The following MS4A10 variants were observed in gnomAD, a reference collection of about 807,000 sequenced individuals.
MS4A10 encodes membrane-spanning 4-domains subfamily A member 10.
A neutral mutation model predicts 27.7 loss-of-function variants in MS4A10; 27 were observed. The observed-to-expected ratio is 0.98, with a 90% CI of 0.72 to 1.35. MS4A10 has a LOEUF of 1.35. Ranked by LOEUF, MS4A10 falls within the 40% of genes most tolerant of loss-of-function variation. The probability of loss-of-function intolerance (pLI) is 0.00; values close to 1 mark genes in which losing one functional copy is unlikely to be tolerated. For synonymous variants in MS4A10, 139 were observed against 131.2 expected, an observed-to-expected ratio of 1.06 and a Z score of -0.41; for missense variants, 338 against 324.7, an observed-to-expected ratio of 1.04 and a Z score of -0.32.
chr11:60,785,561 G>A (rs767490215), intron 1 of MS4A10, 140 bp downstream of exon 1: 1 of 152,208 alleles, frequency 6.6e-6, no homozygotes, highest in African/African-American at 2.4e-5. Context: ...CCAATCAGTT[G>A]TTGGCTGTAG....
chr11:60,790,333 T>C lies in MS4A10; in HGVS notation c.-3T>C, dbSNP rs767116159. The C allele has an allele frequency of 1.2e-6, 2 of 1,613,738 alleles. No homozygotes were observed. Among genetic ancestry groups the C allele is most frequent in the African/African-American group, 1.3e-5 (1 of 75,016 alleles). On this transcript the variant is annotated 5_prime_UTR_variant, in exon 2 of 8. Coordinates refer to ENST00000308287, the MANE Select transcript of MS4A10 (RefSeq NM_206893.4). Reference sequence around the variant, plus strand: ...CTGCAGCCAGGGCCCCCATCCAGCATCAATGAAAGCAGAAGCCACAGTTAT... The same window carrying C: ...CTGCAGCCAGGGCCCCCATCCAGCACCAATGAAAGCAGAAGCCACAGTTAT...
Position 60,795,585 on chromosome 11 carries a change from C to T in MS4A10, c.523C>T (p.Leu175Phe). The T allele has an allele frequency of 1.3e-6, 2 of 1,583,350 alleles. No homozygotes were observed. Among genetic ancestry groups the T allele is most frequent in the Non-Finnish European group, 1.7e-6 (2 of 1,164,650 alleles). ...CATCCAGAGGCTGGAGCTGGCCTTG[C>T]TCTGCTTCACTGTCCTAGAGCTCTT... ...VHIQRLELAL[L>F]CFTVLELFLP... Residue 175 changes from leucine (L) to phenylalanine (F), a missense_variant, in exon 6 of 8, where the codon CTC (leucine) becomes TTC (phenylalanine). Physicochemically the swap from Leu to Phe is conservative, Grantham distance 22. Transcript: ENST00000308287.
In MS4A10 at chr11:60,794,119, T is replaced by C; in HGVS notation, c.492+16T>C. ...CAACTCCACGGTGAGTACCCAGGCC[T>C]GGAGGGCCCTCTGACTTCAGCGAAG... On this transcript the variant is annotated intron_variant, in intron 5 of 7. Transcript: ENST00000308287. 1 of 1,613,680 alleles carries C rather than the reference T, an allele frequency of 6.2e-7. No homozygotes were observed. The highest frequency in any genetic ancestry group is 8.5e-7 in the Non-Finnish European group (1 of 1,179,918).
Position 60,794,010 on chromosome 11 carries a change from T to G in MS4A10, c.399T>G (p.Phe133Leu), listed in dbSNP as rs772319166. 3.7e-6 allele frequency: 6 copies of G among 1,614,188 alleles called. No homozygotes were observed. The highest frequency in any genetic ancestry group is 5.1e-6 in the Non-Finnish European group (6 of 1,180,026). Reference sequence around the variant, plus strand: ...TGATGACAAACCTCATCAGCCTCTTTTGCGTGCTGTCTGGCCTCTTCGTCA... The same window carrying G: ...TGATGACAAACCTCATCAGCCTCTTGTGCGTGCTGTCTGGCCTCTTCGTCA... ...LCLMTNLISLFCVLSGLFVIS... is the reference protein window; with the variant it reads ...LCLMTNLISLLCVLSGLFVIS... Residue 133 changes from phenylalanine to leucine, a missense_variant, in exon 5 of 8, where the codon TTT becomes TTG. Coordinates refer to ENST00000308287, the MANE Select transcript of MS4A10 (RefSeq NM_206893.4).
intron 1 of MS4A10, among the ~76,000 whole-genome samples, chr11:60,789,812 G>C (rs1308388891): frequency 6.6e-6 from 1 of 152,224 alleles, no homozygotes; most frequent in Non-Finnish European, 1.5e-5. Flanking sequence ...TCCTGACTCA[G>C]TGTTGGCTCA....
intron 4 of MS4A10, 55 bp from the exon 5 acceptor site, chr11:60,793,917 C>T (rs1764429503): frequency 2.5e-6 from 4 of 1,600,712 alleles, no homozygotes; most frequent in Non-Finnish European, 3.4e-6. Flanking sequence ...AGGGGAGGAC[C>T]TAGCCCCAGG....
Position 60,800,274 on chromosome 11 carries a change from CCA to C in MS4A10, c.*366_*367del, listed in dbSNP as rs1854610502. ...CAAGTGATTCTCCTATCTCAGCCTC[CCA>C]AGTAGCTGGGACTATAGGCACACGC... On this transcript the variant is annotated 3_prime_UTR_variant, in exon 8 of 8. Transcript: ENST00000308287. 2 of 209,966 alleles carry C rather than the reference CCA, an allele frequency of 9.5e-6. No individual in the cohort carries two copies. The highest frequency in any genetic ancestry group is 1.9e-5 in the Non-Finnish European group (2 of 103,832). The allele number at this position is 209,966 out of a possible 1,614,324, so 13.0% of individuals were successfully genotyped here.
intron 7 of MS4A10, 43 bp downstream of exon 7, chr11:60,798,557 C>T (rs370510788): frequency 4.5e-5 from 66 of 1,454,632 alleles, no homozygotes; most frequent in East Asian, 3.6e-4. Context: ...TCAGAACCCA[C>T]GCTTGGCCCC....
At chr11:60,786,863 G>C (rs1162895259) in intron 1 of MS4A10, among the ~76,000 whole-genome samples, 2 of 152,220 alleles carry the variant, frequency 1.3e-5, no homozygotes, top group Non-Finnish European at 2.9e-5. Flanking sequence ...ACAGGCAGTG[G>C]CACTCCCCAT....
chr11:60,794,586 G>A (rs556661077), intron 5 of MS4A10, among the ~76,000 whole-genome samples: 2 of 152,202 alleles, frequency 1.3e-5, no homozygotes, highest in African/African-American at 2.4e-5. Flanking sequence ...CAAGCCTGGT[G>A]CTCTTTTCAC....
At chr11:60,795,423 C>A in intron 5 of MS4A10, 132 bp from the exon 6 acceptor site, 1 of 487,496 alleles carries the variant, frequency 2.1e-6, no homozygotes, top group Admixed American at 4.2e-5. Flanking sequence ...TCCCCACGCA[C>A]ACCTGGGAGC....
At chr11:60,789,848 T>G (rs1488015652) in intron 1 of MS4A10, among the ~76,000 whole-genome samples, 3 of 152,192 alleles carry the variant, frequency 2.0e-5, no homozygotes, top group Non-Finnish European at 4.4e-5. Flanking sequence ...GGAAGATATT[T>G]TCTTCCCTTC....
rs889489455 is a variant in MS4A10, at chr11:60,800,925, C to G, written c.*1016C>G. On this transcript the variant is annotated 3_prime_UTR_variant, in exon 8 of 8. Transcript: ENST00000308287. ...TCTCCTGCCTCAGCCTCCCGAGTAG[C>G]TGGGATTACAGGCGACCGCCACCAC... The G allele has an allele frequency of 6.6e-6, 1 of 151,610 alleles. No individual in the cohort carries two copies. Among genetic ancestry groups the G allele is most frequent in the Non-Finnish European group, 1.5e-5 (1 of 67,986 alleles). 9.4% of individuals were successfully genotyped at this position (151,610 alleles called of 1,614,324 possible).
intron 6 of MS4A10, among the ~76,000 whole-genome samples, chr11:60,797,810 C>A (rs1416199512): frequency 6.6e-6 from 1 of 152,222 alleles, no homozygotes; most frequent in Non-Finnish European, 1.5e-5. Context: ...GCAGGTTCTG[C>A]TTTTCCATTT....
intron 5 of MS4A10, 24 bp from the exon 6 acceptor site, chr11:60,795,531 C>G: frequency 2.4e-5 from 35 of 1,476,914 alleles, no homozygotes; most frequent in Non-Finnish European, 2.9e-5. Context: ...CCTCACCCTG[C>G]CTTCCTTCCC....
At chr11:60,792,191 G>T in intron 3 of MS4A10, 74 bp from the exon 4 acceptor site, 2 of 1,151,774 alleles carry the variant, frequency 1.7e-6, no homozygotes, top group Admixed American at 3.4e-5. Context: ...TTGGAGAATA[G>T]GGGTGGGGGT....
intron 4 of MS4A10, among the ~76,000 whole-genome samples, chr11:60,793,722 G>A (rs1854469987): frequency 6.6e-6 from 1 of 152,208 alleles, no homozygotes; most frequent in African/African-American, 2.4e-5. Context: ...GGCAGCTCTT[G>A]GGTTCTCCCA....
At chr11:60,797,570 C>T (rs1205749779) in intron 6 of MS4A10, among the ~76,000 whole-genome samples, 2 of 152,168 alleles carry the variant, frequency 1.3e-5, no homozygotes, top group African/African-American at 2.4e-5. Context: ...CTCCAATAAC[C>T]CTGTCTCCCT....
chr11:60,795,503 T>G (rs1705531017), intron 5 of MS4A10, 52 bp from the exon 6 acceptor site: 1 of 1,297,640 alleles, frequency 7.7e-7, no homozygotes, highest in African/African-American at 1.5e-5. Flanking sequence ...ACGTGATGCG[T>G]GCAGACACCC....
Sources: gnomAD v4.1 joint callset for allele counts (sites outside exome capture counted in the v4.1 genomes callset) on GRCh38, gnomAD v4.1.1 for gene constraint, MANE v1.5 for transcripts, NCBI Gene and HGNC (gene_info 2026-07-23, HGNC 2026-07-21) for gene names.